Variants in CAMTA1 observed in about 807,000 individuals in gnomAD.
CAMTA1 encodes calmodulin binding transcription activator 1, also known as calmodulin-binding transcription activator 1.
In CAMTA1, 27 loss-of-function variants were observed where a neutral mutation model predicts 170.9. That is an observed-to-expected ratio of 0.16 (90% confidence interval 0.12 to 0.22). The LOEUF (loss-of-function observed/expected upper bound fraction) is 0.22, where lower values mean the gene tolerates loss of function less well. Among genes scored for constraint, CAMTA1 ranks in the 10% least tolerant of loss-of-function variants. The pLI is 1.00. For synonymous variants in CAMTA1, 833 were observed against 891.5 expected (o/e 0.93, Z 1.17); for missense variants, 1,619 against 2,217.2 (o/e 0.73, Z 5.42).
intron 5 of CAMTA1, among the ~76,000 whole-genome samples, chr1:7,428,447 A>G (rs2091981402): frequency 6.6e-6 from 1 of 151,876 alleles, no homozygotes; most frequent in South Asian, 2.1e-4. Flanking sequence ...TCACCACATC[A>G]GGGATTGTGT....
rs990264351 is a variant in CAMTA1, at chr1:7,173,271, C to T, written c.303-76220C>T. Among the ~76,000 whole-genome samples the T allele has an allele frequency of 3.9e-4, 59 of 152,162 alleles. No homozygotes were observed. The highest frequency in any genetic ancestry group is 1.3e-3 in the African/African-American group (55 of 41,424). On this transcript the variant is annotated intron_variant, in intron 4 of 22. Transcript: ENST00000303635. The surrounding 1 kb of genome is among the most constrained non-coding windows in gnomAD (Gnocchi z 5.4). ...ACTGGGCACGATAATCCCCCTGAGGCGGAGTTGTGAGCTGAAATGAACAGA... is the reference window on the plus strand; with the variant it reads ...ACTGGGCACGATAATCCCCCTGAGGTGGAGTTGTGAGCTGAAATGAACAGA...
chr1:7,673,127 G>A lies in CAMTA1; in HGVS notation c.2779+2090G>A, dbSNP rs191361558. ...GGCCTATAAATAGATGCCACTTCCT[G>A]TACCTGGTTCTCGCCTGGCTAAGGA... On this transcript the variant is annotated intron_variant, in intron 10 of 22. Transcript: ENST00000303635. The surrounding 1 kb of genome is among the most constrained non-coding windows in gnomAD (Gnocchi z 4.6). Among the ~76,000 whole-genome samples, 2 of 152,334 alleles carry A rather than the reference G, an allele frequency of 1.3e-5. No homozygotes were observed. Among genetic ancestry groups the A allele is most frequent in the African/African-American group, 4.8e-5 (2 of 41,594 alleles).
At chr1:7,090,902 A>G (rs893580949) in intron 3 of CAMTA1, among the ~76,000 whole-genome samples, 1 of 152,208 alleles carries the variant, frequency 6.6e-6, no homozygotes, top group African/African-American at 2.4e-5. Flanking sequence ...GACAGAGATG[A>G]AAGATTCGTC....
intron 1 of CAMTA1, among the ~76,000 whole-genome samples, chr1:6,818,893 G>T (rs2148438169): frequency 6.6e-6 from 1 of 151,494 alleles, no homozygotes; most frequent in Non-Finnish European, 1.5e-5. Flanking sequence ...CACCCGCATT[G>T]GCTCCGCAAA....
chr1:7,435,433 G>A lies in CAMTA1; in HGVS notation c.439-32397G>A, dbSNP rs1448360730. 6.6e-6 allele frequency among the ~76,000 whole-genome samples: 1 copy of A among 152,198 alleles called. No homozygotes were observed. The highest frequency in any genetic ancestry group is 2.4e-5 in the African/African-American group (1 of 41,460). On this transcript the variant is annotated intron_variant, in intron 5 of 22. Transcript: ENST00000303635. The surrounding 1 kb of genome is among the most constrained non-coding windows in gnomAD (Gnocchi z 4.4). ...CCCTGTGGGATCCCTGCCCTAGGCT[G>A]GGTTCTTGCTCTGCTGCTATTCCTG...
chr1:7,233,188 C>G (rs907851779), intron 4 of CAMTA1, among the ~76,000 whole-genome samples: 1 of 152,216 alleles, frequency 6.6e-6, no homozygotes, highest in Non-Finnish European at 1.5e-5. Flanking sequence ...AATTTTCTCT[C>G]AGATTTACAT....
rs193012851 is a variant in CAMTA1, at chr1:7,521,789, C to T, written c.510+53888C>T. On this transcript the variant is annotated intron_variant, in intron 6 of 22. Coordinates refer to ENST00000303635, the MANE Select transcript of CAMTA1 (RefSeq NM_015215.4). ...GTCTTGAACTCCTGACCTCATGATC[C>T]GCCCACCTCTGCCTCCCAAAGTGCT... Among the ~76,000 whole-genome samples, 347 of 152,254 alleles carry T rather than the reference C, an allele frequency of 2.3e-3. 1 individual carries two copies. Among genetic ancestry groups the T allele is most frequent in the African/African-American group, 7.9e-3 (330 of 41,548 alleles).
At chr1:7,118,974 G>T (rs1644494030) in intron 4 of CAMTA1, among the ~76,000 whole-genome samples, 1 of 152,208 alleles carries the variant, frequency 6.6e-6, no homozygotes, top group Non-Finnish European at 1.5e-5. Flanking sequence ...AATGAACAGA[G>T]TTTATCTTTG....
chr1:7,709,830 C>T (rs576718630), intron 11 of CAMTA1, among the ~76,000 whole-genome samples: 8 of 152,210 alleles, frequency 5.3e-5, no homozygotes, highest in Non-Finnish European at 1.0e-4. Context: ...AGCATGGTCA[C>T]CATCATCAGA....
chr1:7,741,285 C>T (rs989799428), intron 16 of CAMTA1, among the ~76,000 whole-genome samples: 13 of 152,066 alleles, frequency 8.5e-5, no homozygotes, highest in African/African-American at 2.4e-4. Flanking sequence ...AAATGTTGGC[C>T]GGGCGCGGTG....
intron 3 of CAMTA1, among the ~76,000 whole-genome samples, chr1:6,863,497 T>C (rs1427640614): frequency 6.6e-6 from 1 of 152,180 alleles, no homozygotes; most frequent in Admixed American, 6.5e-5. Flanking sequence ...CTATGCTGAG[T>C]GTCTGATGGG....
chr1:6,807,644 C>CA (rs1644675841), intron 1 of CAMTA1, among the ~76,000 whole-genome samples: 1 of 150,816 alleles, frequency 6.6e-6, no homozygotes, highest in Non-Finnish European at 1.5e-5. Context: ...CGCTTGAATC[C>CA]AGGAGGCGGA....
chr1:7,244,728 C>T (rs939773806), intron 4 of CAMTA1, among the ~76,000 whole-genome samples: 2 of 148,622 alleles, frequency 1.3e-5, no homozygotes, highest in African/African-American at 4.9e-5. Flanking sequence ...ACAGCACACA[C>T]TGGGGACTGT....
At chr1:6,828,316 G>T (rs1648071472) in intron 3 of CAMTA1, among the ~76,000 whole-genome samples, 1 of 123,120 alleles carries the variant, frequency 8.1e-6, no homozygotes, top group Admixed American at 8.9e-5. Context: ...TTTTTGAGGT[G>T]GAGTCTCACT....
At chr1:6,786,723 G>C (rs1639502224) in intron 1 of CAMTA1, among the ~76,000 whole-genome samples, 1 of 152,120 alleles carries the variant, frequency 6.6e-6, no homozygotes, top group African/African-American at 2.4e-5. Context: ...CGTTCACCGT[G>C]CTCCTTTCGC....
At chr1:7,157,140 G>A (rs979109850) in intron 4 of CAMTA1, among the ~76,000 whole-genome samples, 3 of 151,898 alleles carry the variant, frequency 2.0e-5, no homozygotes, top group African/African-American at 7.3e-5. Flanking sequence ...TCAGGAGATC[G>A]AGACCATCCT....
Position 7,456,672 on chromosome 1 carries a change from C to G in CAMTA1, c.439-11158C>G, listed in dbSNP as rs544111784. Among the ~76,000 whole-genome samples the G allele has an allele frequency of 5.9e-5, 9 of 152,314 alleles. No individual in the cohort carries two copies. In the South Asian group the frequency reaches 1.9e-3, roughly 32 times the overall value. ...GCCCGCAGGGAGCCAGGTATCAGGACAGATTTCTGAGACACGAAAGGTGCA... is the reference window on the plus strand; with the variant it reads ...GCCCGCAGGGAGCCAGGTATCAGGAGAGATTTCTGAGACACGAAAGGTGCA... On this transcript the variant is annotated intron_variant, in intron 5 of 22. Transcript: ENST00000303635. This position sits in a 1 kb window ranked among gnomAD's most constrained non-coding sequence, Gnocchi z 4.9.
intron 3 of CAMTA1, among the ~76,000 whole-genome samples, chr1:6,961,328 C>T (rs1285328293): frequency 6.6e-6 from 1 of 152,146 alleles, no homozygotes; most frequent in East Asian, 1.9e-4. Context: ...AGGGACTGAC[C>T]TAGCGGGAAC....
chr1:7,100,894 T>A (rs11120842), intron 4 of CAMTA1, among the ~76,000 whole-genome samples: 104,569 of 152,036 alleles, frequency 0.69, 36,268 homozygotes, highest in Middle Eastern at 0.75. Context: ...TCTTTGGATT[T>A]TACTGGGACA....
Sources: allele counts gnomAD v4.1 joint callset (sites outside exome capture counted in the v4.1 genomes callset), GRCh38; gene constraint gnomAD v4.1.1; non-coding constraint Gnocchi (gnomAD v3.1); transcripts MANE v1.5; gene names NCBI Gene and HGNC (gene_info 2026-07-23, HGNC 2026-07-21).